The following STRIP2 variants were observed in gnomAD, a reference collection of about 807,000 sequenced individuals.
STRIP2 encodes striatin-interacting protein 2.
Under a neutral mutation model 107.1 loss-of-function variants are expected in STRIP2, and 84 were observed. The ratio of observed to expected loss-of-function variants is 0.78; its 90% CI spans 0.66 to 0.94. The LOEUF (loss-of-function observed/expected upper bound fraction) is 0.94. STRIP2 is among the 40% of genes least tolerant of loss of function. STRIP2 has a pLI of 0.00. For synonymous variants in STRIP2, 394 were observed against 400.4 expected, an observed-to-expected ratio of 0.98 and a Z score of 0.19; for missense variants, 888 against 1,034.2, an observed-to-expected ratio of 0.86 and a Z score of 1.94.
At chr7:129,443,965 C>A in intron 2 of STRIP2, 59 bp from the exon 3 acceptor site, 3 of 1,314,906 alleles carry the variant, frequency 2.3e-6, no homozygotes, top group Non-Finnish European at 3.3e-6. Flanking sequence ...ACCCTCTCTA[C>A]TTTGGGCCTC....
chr7:129,435,730 TGCATGTAATTAGTCA>T (rs1797718316), intron 1 of STRIP2, among the ~76,000 whole-genome samples: 1 of 152,194 alleles, frequency 6.6e-6, no homozygotes, highest in South Asian at 2.1e-4. Context: ...GCAGGCACAA[TGCATGTAATTAGTCA>T]GTACATAGTA....
chr7:129,475,469 C>T (rs1798892248), intron 18 of STRIP2, among the ~76,000 whole-genome samples: 2 of 147,316 alleles, frequency 1.4e-5, no homozygotes, highest in African/African-American at 5.0e-5. Context: ...CTCTGGTTTT[C>T]TAGGCAGAGG....
rs1417331463 is a variant in STRIP2 at position 129,453,234 on chromosome 7, T to G, written c.417T>G (p.Phe139Leu). 1.2e-6 allele frequency: 2 copies of G among 1,614,088 alleles called. No individual in the cohort carries two copies. Among genetic ancestry groups the G allele is most frequent in the East Asian group, 4.5e-5 (2 of 44,890 alleles). The change falls in exon 5 of 21, where the codon TTT (phenylalanine) becomes TTG (leucine). Residue 139 changes from phenylalanine (F) to leucine (L), a missense_variant. Physicochemically the swap from Phe to Leu is conservative, Grantham distance 22. Coordinates refer to ENST00000249344, the MANE Select transcript of STRIP2 (RefSeq NM_020704.3). ...AACTGTCTGGTCCTTTAGGTACTTT[T>G]GGGGAATGTGATTCAGAGGTCGATG... is the stretch of plus-strand genomic sequence containing the variant. The part of the protein sequence containing the change: ...RAVLYLAQGT[F>L]GECDSEVDVL...
chr7:129,460,142 G>T (rs973816753), intron 12 of STRIP2, among the ~76,000 whole-genome samples, 159 bp from the exon 13 acceptor site: 2 of 152,254 alleles, frequency 1.3e-5, no homozygotes, highest in East Asian at 3.8e-4. Context: ...TGATGATGCA[G>T]AGGTGATTAA....
At chr7:129,467,553 C>T (rs1038726703) in intron 17 of STRIP2, 103 bp downstream of exon 17, 1 of 714,892 alleles carries the variant, frequency 1.4e-6, no homozygotes, top group Non-Finnish European at 2.3e-6. Context: ...CCTAGTCCCT[C>T]CTGTCTTAGA....
chr7:129,483,072 TC>T lies in STRIP2; in HGVS notation c.2254+28del, dbSNP rs1303569526. 6.2e-7 allele frequency: 1 copy of T among 1,610,064 alleles called. No homozygotes were observed. The highest frequency in any genetic ancestry group is 1.3e-5 in the African/African-American group (1 of 74,800). On this transcript the variant is annotated intron_variant, in intron 20 of 20. Coordinates refer to ENST00000249344, the MANE Select transcript of STRIP2 (RefSeq NM_020704.3). The surrounding 1 kb of genome is among the most constrained non-coding windows in gnomAD (Gnocchi z 5.1). The stretch of plus-strand genomic sequence containing the variant: ...GTGAGTCTTCCCAAAGCTCTTGACT[TC>T]CTGGAGTTTCCTGGGGTTTAGACAA...
rs201993610 is a variant in STRIP2 at position 129,482,374 on chromosome 7, TATA to T, written c.2050-467_2050-465del. Among the ~76,000 whole-genome samples, 510 of 89,482 alleles carry T rather than the reference TATA, an allele frequency of 5.7e-3. 9 individuals carry two copies. Among genetic ancestry groups the T allele is most frequent in the East Asian group, 0.021 (34 of 1,656 alleles). 58.7% of individuals were successfully genotyped at this position (89,482 alleles called of 152,430 possible). A position where few individuals can be genotyped will look rare whatever the true frequency, so the allele number is the denominator to read the frequency against. ...CTCTCTCTATATATATATATATATA[TATA>T]TTTTTTTTTTTTTTTTTTGAGACGG... On this transcript the variant is annotated intron_variant, in intron 19 of 20. Transcript: ENST00000249344.
intron 18 of STRIP2, among the ~76,000 whole-genome samples, chr7:129,479,551 G>A (rs1040819564): frequency 7.4e-5 from 11 of 149,528 alleles, no homozygotes; most frequent in African/African-American, 2.5e-4. Context: ...GTTCAATGGC[G>A]TGGTCTTGGC....
At position 129,440,029 on chromosome 7, in the gene STRIP2, T is replaced by C. The variant is rs778464419; in HGVS notation, c.137T>C (p.Val46Ala). The C allele has an allele frequency of 2.5e-6, 4 of 1,614,120 alleles. No individual in the cohort carries two copies. The highest frequency in any genetic ancestry group is 3.4e-6 in the Non-Finnish European group (4 of 1,179,958). Reference protein sequence around the residue: ...RSQRRESEGSVDCPTLEFEYG... With the variant: ...RSQRRESEGSADCPTLEFEYG... ...AAAATTTCTCTGTTACAGGGCTCTGTGGACTGTCCCACTCTGGAGTTTGAG... is the reference window on the plus strand; with the variant it reads ...AAAATTTCTCTGTTACAGGGCTCTGCGGACTGTCCCACTCTGGAGTTTGAG... The change falls in exon 2 of 21, where the codon GTG becomes GCG. Residue 46 changes from valine (V) to alanine (A), a missense_variant. Coordinates refer to ENST00000249344, the MANE Select transcript of STRIP2 (RefSeq NM_020704.3).
intron 16 of STRIP2, among the ~76,000 whole-genome samples, chr7:129,466,084 A>G (rs1420326003): frequency 6.6e-6 from 1 of 151,940 alleles, no homozygotes; most frequent in Admixed American, 6.6e-5. Context: ...GGTAGGAGAT[A>G]GTGTTTCTAG....
chr7:129,484,410 A>G (rs1214711620), intron 20 of STRIP2: 1 of 152,176 alleles, frequency 6.6e-6, no homozygotes, highest in Non-Finnish European at 1.5e-5. Context: ...CCATAATTGT[A>G]TTTGAGAATT....
chr7:129,481,947 C>T (rs1183206792), intron 19 of STRIP2, among the ~76,000 whole-genome samples: 3 of 151,734 alleles, frequency 2.0e-5, no homozygotes, highest in Admixed American at 6.6e-5. Context: ...GTGGGAGGAT[C>T]ACTTGAGGTC....
At chr7:129,464,821 T>A in intron 16 of STRIP2, 83 bp downstream of exon 16, 3 of 1,548,984 alleles carry the variant, frequency 1.9e-6, no homozygotes, top group Non-Finnish European at 2.7e-6. Context: ...AAGTCCCTTT[T>A]AATCCTGATG....
At position 129,458,948 on chromosome 7, in the gene STRIP2, C is replaced by T. The variant is rs1798447259; in HGVS notation, c.1340+171C>T. On this transcript the variant is annotated intron_variant, in intron 11 of 20. Coordinates refer to ENST00000249344, the MANE Select transcript of STRIP2 (RefSeq NM_020704.3). This position sits in a 1 kb window ranked among gnomAD's most constrained non-coding sequence, Gnocchi z 4.6. ...GGTTCTTTCTATGGATTTCTTTTTT[C>T]CTTGAGTTTCTTCCACTTTTCCTCA... Among the ~76,000 whole-genome samples the T allele has an allele frequency of 6.6e-6, 1 of 152,148 alleles. No homozygotes were observed. The highest frequency in any genetic ancestry group is 1.5e-5 in the Non-Finnish European group (1 of 68,010).
chr7:129,474,048 A>C, intron 18 of STRIP2, among the ~76,000 whole-genome samples: 1 of 152,284 alleles, frequency 6.6e-6, no homozygotes, highest in East Asian at 1.9e-4. Flanking sequence ...TACACATAAT[A>C]TTCCACTATT....
chr7:129,447,198 A>AC lies in STRIP2; in HGVS notation c.274+3104dup, dbSNP rs377485282. 5.6e-3 allele frequency among the ~76,000 whole-genome samples: 852 copies of AC among 152,194 alleles called. 7 individuals are homozygous for AC. The highest frequency in any genetic ancestry group is 0.019 in the African/African-American group (809 of 41,528). ...GTTGCAGAGCCTTCTCTTGTTCTGG[A>AC]CCCCACTAAAAACTGGGTGGGGTCC... On this transcript the variant is annotated intron_variant, in intron 3 of 20. Coordinates refer to ENST00000249344, the MANE Select transcript of STRIP2 (RefSeq NM_020704.3).
At chr7:129,485,411 T>A (rs1256926315) in intron 20 of STRIP2, among the ~76,000 whole-genome samples, 168 bp from the exon 21 acceptor site, 4 of 134,934 alleles carry the variant, frequency 3.0e-5, no homozygotes, top group African/African-American at 1.1e-4. Context: ...TTTTTAAACC[T>A]AAGTGTCAGC....
intron 18 of STRIP2, chr7:129,478,072 T>C: frequency 3.2e-6 from 1 of 316,098 alleles, no homozygotes; most frequent in Non-Finnish European, 6.3e-6. Flanking sequence ...GAAGAAATAG[T>C]ATCATCATGT....
At chr7:129,457,689 G>A (rs1178572054) in intron 9 of STRIP2, among the ~76,000 whole-genome samples, 3 of 152,144 alleles carry the variant, frequency 2.0e-5, no homozygotes, top group Non-Finnish European at 2.9e-5. Flanking sequence ...TGTGATGAAG[G>A]GAGAAAAGAA....
Sources: gnomAD v4.1 joint callset for allele counts (sites outside exome capture counted in the v4.1 genomes callset) on GRCh38, gnomAD v4.1.1 for gene constraint, Gnocchi (gnomAD v3.1) non-coding constraint, MANE v1.5 for transcripts, NCBI Gene and HGNC (gene_info 2026-07-23, HGNC 2026-07-21) for gene names.